Variants in CAMK2D observed in about 807,000 individuals in gnomAD.
CAMK2D encodes calcium/calmodulin-dependent protein kinase type II subunit delta.
CAMK2D carries 37 observed loss-of-function variants against 84.0 expected under a neutral mutation model. That is an observed-to-expected ratio of 0.44 (90% CI 0.34 to 0.58). The LOEUF is 0.58. Ranked by LOEUF, CAMK2D falls within the 20% of genes least tolerant of loss-of-function variation. The probability of loss-of-function intolerance (pLI) is 0.02; values close to 1 mark genes in which losing one functional copy is unlikely to be tolerated. For missense variants in CAMK2D, 448 were observed against 652.5 expected (o/e 0.69, Z 3.41); for synonymous variants, 202 against 212.5 (o/e 0.95, Z 0.43).
At chr4:113,510,691 T>C (rs1335542050) in intron 12 of CAMK2D, among the ~76,000 whole-genome samples, 1 of 152,140 alleles carries the variant, frequency 6.6e-6, no homozygotes, top group Non-Finnish European at 1.5e-5. Context: ...CTTATTTAAG[T>C]ATATCAGAAT....
chr4:113,507,088 G>C (rs537461431), intron 13 of CAMK2D, among the ~76,000 whole-genome samples: 1 of 152,174 alleles, frequency 6.6e-6, no homozygotes, highest in Admixed American at 6.5e-5. Flanking sequence ...AAGCTTTTTT[G>C]TTAATGTAAA....
At chr4:113,514,695 T>C (rs1432072397) in intron 10 of CAMK2D, among the ~76,000 whole-genome samples, 1 of 152,230 alleles carries the variant, frequency 6.6e-6, no homozygotes, top group Admixed American at 6.5e-5. Context: ...CCAAACTTCA[T>C]ACTTGTTTCT....
At chr4:113,530,551 T>A (rs921022939) in intron 8 of CAMK2D, among the ~76,000 whole-genome samples, 8 of 152,174 alleles carry the variant, frequency 5.3e-5, no homozygotes, top group Admixed American at 5.2e-4. Context: ...AATGCATGTG[T>A]TAAAATCCTA....
chr4:113,577,834 C>T (rs1406174441), intron 4 of CAMK2D, among the ~76,000 whole-genome samples: 3 of 151,654 alleles, frequency 2.0e-5, no homozygotes, highest in African/African-American at 4.8e-5. Flanking sequence ...TCCCCATGTT[C>T]CATGTGTTTG....
At chr4:113,698,129 C>T (rs1052576802) in intron 2 of CAMK2D, among the ~76,000 whole-genome samples, 2 of 151,924 alleles carry the variant, frequency 1.3e-5, no homozygotes, top group African/African-American at 4.8e-5. Flanking sequence ...TAGCACGAAG[C>T]CTATTTTATA....
intron 2 of CAMK2D, among the ~76,000 whole-genome samples, chr4:113,710,831 A>G (rs1475717577): frequency 6.6e-6 from 1 of 152,194 alleles, no homozygotes. Context: ...TCATACTGAA[A>G]AATGGGAAAC....
At chr4:113,623,401 C>T (rs2099054801) in intron 3 of CAMK2D, among the ~76,000 whole-genome samples, 2 of 151,892 alleles carry the variant, frequency 1.3e-5, no homozygotes, top group Admixed American at 6.6e-5. Flanking sequence ...CACACACACA[C>T]ACCCACACAG....
intron 2 of CAMK2D, among the ~76,000 whole-genome samples, chr4:113,688,811 A>G: frequency 6.7e-6 from 1 of 149,902 alleles, no homozygotes; most frequent in East Asian, 2.0e-4. Flanking sequence ...GCTAAGAGAG[A>G]TTTTTAACTG....
chr4:113,720,658 T>C (rs1395568864), intron 2 of CAMK2D, among the ~76,000 whole-genome samples: 1 of 151,972 alleles, frequency 6.6e-6, no homozygotes, highest in Non-Finnish European at 1.5e-5. Flanking sequence ...AAAGGGCATA[T>C]TTAGATGCAA....
At chr4:113,503,970 T>C (rs142839716) in intron 14 of CAMK2D, among the ~76,000 whole-genome samples, 2 of 152,216 alleles carry the variant, frequency 1.3e-5, no homozygotes, top group African/African-American at 4.8e-5. Context: ...TTGAGAGACA[T>C]ATCTCCTGCT....
intron 4 of CAMK2D, among the ~76,000 whole-genome samples, chr4:113,600,132 G>A (rs983693847): frequency 7.2e-5 from 11 of 152,156 alleles, no homozygotes; most frequent in Non-Finnish European, 1.2e-4. Flanking sequence ...AGAAGTTGGG[G>A]GTAAGGAGGA....
intron 14 of CAMK2D, among the ~76,000 whole-genome samples, chr4:113,503,472 G>C (rs2098084511): frequency 6.6e-6 from 1 of 152,018 alleles, no homozygotes; most frequent in Non-Finnish European, 1.5e-5. Flanking sequence ...ATAAAATCTA[G>C]AGCCATTGGA....
intron 7 of CAMK2D, among the ~76,000 whole-genome samples, chr4:113,534,089 A>G (rs2098474669): frequency 6.6e-6 from 1 of 152,160 alleles, no homozygotes; most frequent in Non-Finnish European, 1.5e-5. Context: ...TCAAAATTAA[A>G]ATAACAAAGC....
At chr4:113,511,317 C>T (rs1450535872) in intron 12 of CAMK2D, among the ~76,000 whole-genome samples, 1 of 151,992 alleles carries the variant, frequency 6.6e-6, no homozygotes, top group African/African-American at 2.4e-5. Context: ...AAAAAAATTG[C>T]TTTTTCATGC....
chr4:113,732,360 T>A (rs1326464366), intron 2 of CAMK2D, among the ~76,000 whole-genome samples: 1 of 152,032 alleles, frequency 6.6e-6, no homozygotes, highest in Non-Finnish European at 1.5e-5. Context: ...TGGCCCCAAG[T>A]GATCCTCCTG....
chr4:113,554,292 C>G (rs981771526), intron 4 of CAMK2D, among the ~76,000 whole-genome samples: 1 of 151,990 alleles, frequency 6.6e-6, no homozygotes, highest in Admixed American at 6.6e-5. Context: ...TACTGTAAAT[C>G]TGAACTTTAC....
At chr4:113,574,253 A>G (rs967346428) in intron 4 of CAMK2D, among the ~76,000 whole-genome samples, 2 of 152,202 alleles carry the variant, frequency 1.3e-5, no homozygotes, top group African/African-American at 4.8e-5. Context: ...ATTACTAGAC[A>G]GCCTCCTAAT....
chr4:113,720,383 C>CAT (rs2099526886), intron 2 of CAMK2D, among the ~76,000 whole-genome samples: 1 of 151,552 alleles, frequency 6.6e-6, no homozygotes, highest in Non-Finnish European at 1.5e-5. Context: ...CACACACACA[C>CAT]ACACACACTC....
Position 113,528,645 on chromosome 4 carries a change from TGC to T in CAMK2D, c.601+2569_601+2570del, listed in dbSNP as rs1434117997. 2.6e-5 allele frequency among the ~76,000 whole-genome samples: 4 copies of T among 152,006 alleles called. No individual in the cohort carries two copies. In the East Asian group the frequency reaches 7.7e-4, roughly 29 times the overall value. On this transcript the variant is annotated intron_variant, in intron 8 of 20. Coordinates refer to ENST00000511664, the MANE Select transcript of CAMK2D (RefSeq NM_001321571.2). ...ATCCCTCTAGTGTTCAAGGTCCAAA[TGC>T]AGCGTTTTAGCTACAACCCCCTATC... is the stretch of plus-strand genomic sequence containing the variant.
Sources: allele counts gnomAD v4.1 joint callset (sites outside exome capture counted in the v4.1 genomes callset), GRCh38; gene constraint gnomAD v4.1.1; transcripts MANE v1.5; gene names NCBI Gene and HGNC (gene_info 2026-07-23, HGNC 2026-07-21).